The following L3MBTL4 variants were observed in gnomAD, a reference collection of about 807,000 sequenced individuals.
L3MBTL4 encodes L3MBTL histone methyl-lysine binding protein 4, also known as lethal(3)malignant brain tumor-like protein 4.
In L3MBTL4, 70 loss-of-function variants were observed where a neutral mutation model predicts 84.5. That is an observed-to-expected ratio of 0.83 (90% confidence interval 0.68 to 1.01). The LOEUF is 1.01. Ranked by LOEUF, L3MBTL4 falls within the 50% of genes least tolerant of loss-of-function variation. The pLI, the probability that L3MBTL4 is intolerant of heterozygous loss-of-function variation, is 0.00. For synonymous variants in L3MBTL4, 274 were observed against 259.8 expected (o/e 1.05, Z -0.52); for missense variants, 715 against 754.8 (o/e 0.95, Z 0.62).
At chr18:6,150,199 AC>A (rs1290681986) in intron 13 of L3MBTL4, among the ~76,000 whole-genome samples, 1 of 152,208 alleles carries the variant, frequency 6.6e-6, no homozygotes, top group African/African-American at 2.4e-5. Context: ...TGTTCTCATA[AC>A]CAAATATGTA....
chr18:6,087,335 G>A (rs1275166632), intron 15 of L3MBTL4, among the ~76,000 whole-genome samples: 2 of 152,202 alleles, frequency 1.3e-5, no homozygotes, highest in East Asian at 3.9e-4. Flanking sequence ...GGAGTCAGAG[G>A]GCTCAAAGGG....
intron 10 of L3MBTL4, among the ~76,000 whole-genome samples, chr18:6,234,429 C>A (rs2047130762): frequency 1.3e-5 from 2 of 151,918 alleles, no homozygotes; most frequent in Non-Finnish European, 1.5e-5. Context: ...TGACAAAGGG[C>A]TAATATCCAG....
intron 1 of L3MBTL4, among the ~76,000 whole-genome samples, chr18:6,381,576 C>A (rs567795914): frequency 1.0e-3 from 154 of 152,220 alleles, no homozygotes; most frequent in Non-Finnish European, 2.0e-3. Context: ...GATTTTATTT[C>A]TCCTGCACTT....
At chr18:6,246,638 T>C (rs1406859652) in intron 5 of L3MBTL4, among the ~76,000 whole-genome samples, 1 of 152,212 alleles carries the variant, frequency 6.6e-6, no homozygotes, top group Non-Finnish European at 1.5e-5. Flanking sequence ...GGCACGTGGC[T>C]CATGCCTGTA....
Position 6,081,223 on chromosome 18 carries a change from T to C in L3MBTL4, c.1374-272A>G, listed in dbSNP as rs1363168567. ...GTTTCCAAAACTCTCTGGAGAATAATCTCTTCAGATTCTAAGGAGGAGCTA... is the reference window on the plus strand; with the variant it reads ...GTTTCCAAAACTCTCTGGAGAATAACCTCTTCAGATTCTAAGGAGGAGCTA... On this transcript the variant is annotated intron_variant, in intron 15 of 18. Transcript: ENST00000317931. The C allele has an allele frequency of 1.4e-5, 4 of 289,548 alleles. No individual in the cohort carries two copies. In the East Asian group the frequency reaches 2.6e-4, roughly 19 times the overall value. The allele number at this position is 289,548 out of a possible 1,614,324, so 17.9% of individuals were successfully genotyped here.
chr18:6,293,770 C>T (rs2049972708), intron 4 of L3MBTL4, among the ~76,000 whole-genome samples: 1 of 152,140 alleles, frequency 6.6e-6, no homozygotes, highest in Non-Finnish European at 1.5e-5. Context: ...GATACATAAC[C>T]TGAATTTAAT....
chr18:6,213,028 A>C (rs1225510142), intron 12 of L3MBTL4, 121 bp downstream of exon 12: 1 of 590,208 alleles, frequency 1.7e-6, no homozygotes, highest in Non-Finnish European at 2.9e-6. Flanking sequence ...TTTTCCCCCC[A>C]GAAAATTATT....
In L3MBTL4 at chr18:6,337,546, G is replaced by GTT. The variant is rs1182063564; in HGVS notation, c.-90-25491_-90-25490insAA. 3.0e-4 allele frequency among the ~76,000 whole-genome samples: 46 copies of GTT among 152,078 alleles called. 1 individual carries two copies. In the East Asian group the frequency reaches 5.0e-3, roughly 17 times the overall value. On this transcript the variant is annotated intron_variant, in intron 1 of 18. Transcript: ENST00000317931. ...CTATTTATATAAAGTTCAATAACAG[G>GTT]CAAAACTAACCTAAAGCATGGGAAG...
intron 4 of L3MBTL4, among the ~76,000 whole-genome samples, chr18:6,279,058 A>G (rs1399649352): frequency 6.6e-6 from 1 of 152,160 alleles, no homozygotes; most frequent in East Asian, 1.9e-4. Flanking sequence ...AGGACAGCCA[A>G]GTGGAATTCA....
At chr18:6,395,139 T>C (rs182911) in intron 1 of L3MBTL4, 57,926 of 151,996 alleles carry the variant, frequency 0.38, 11,376 homozygotes, top group Middle Eastern at 0.47. Context: ...TTAGGCTGCA[T>C]TGAGCCATAA....
intron 16 of L3MBTL4, among the ~76,000 whole-genome samples, chr18:6,017,183 G>T (rs1007391208): frequency 4.6e-5 from 7 of 152,232 alleles, no homozygotes; most frequent in East Asian, 1.9e-4. Flanking sequence ...CTCCAGCAGA[G>T]ATTGTTTTCT....
At chr18:6,213,021 T>C (rs1286695989) in intron 12 of L3MBTL4, 128 bp downstream of exon 12, 3 of 574,952 alleles carry the variant, frequency 5.2e-6, no homozygotes, top group African/African-American at 1.9e-5. Context: ...AGAACGCTTT[T>C]CCCCCCAGAA....
intron 5 of L3MBTL4, among the ~76,000 whole-genome samples, chr18:6,252,779 C>T (rs1180638467): frequency 2.0e-5 from 3 of 152,250 alleles, no homozygotes; most frequent in South Asian, 2.1e-4. Flanking sequence ...TTATTAGCAG[C>T]GGTGTGGGAA....
intron 4 of L3MBTL4, among the ~76,000 whole-genome samples, chr18:6,284,591 G>A (rs2049477631): frequency 6.6e-6 from 1 of 152,256 alleles, no homozygotes; most frequent in Non-Finnish European, 1.5e-5. Flanking sequence ...GGCTGCGCAC[G>A]CAGGCTGTTC....
chr18:6,323,531 T>C (rs1276121229), intron 1 of L3MBTL4, among the ~76,000 whole-genome samples: 2 of 152,180 alleles, frequency 1.3e-5, no homozygotes, highest in Admixed American at 1.3e-4. Context: ...AGCGAAGAGC[T>C]TTGCTGCATT....
intron 1 of L3MBTL4, among the ~76,000 whole-genome samples, chr18:6,326,943 A>T (rs1167302517): frequency 6.6e-6 from 1 of 152,228 alleles, no homozygotes; most frequent in Non-Finnish European, 1.5e-5. Flanking sequence ...TACATACATG[A>T]TCTTTCAGTT....
intron 15 of L3MBTL4, among the ~76,000 whole-genome samples, chr18:6,091,331 AT>A (rs765365540): frequency 6.6e-6 from 1 of 152,214 alleles, no homozygotes; most frequent in Non-Finnish European, 1.5e-5. Context: ...TTATCCAAAC[AT>A]TATTAGGATG....
At chr18:6,108,128 G>T (rs1465508278) in intron 14 of L3MBTL4, among the ~76,000 whole-genome samples, 1 of 152,122 alleles carries the variant, frequency 6.6e-6, no homozygotes, top group South Asian at 2.1e-4. Context: ...ACTAAAACAG[G>T]AGTGTCACGC....
intron 16 of L3MBTL4, among the ~76,000 whole-genome samples, chr18:6,052,971 C>T (rs1303052529): frequency 3.3e-5 from 5 of 152,176 alleles, no homozygotes; most frequent in Non-Finnish European, 2.9e-5. Context: ...CAGGACGTCC[C>T]GTTAATTTGT....
Sources: gnomAD v4.1 joint callset for allele counts (sites outside exome capture counted in the v4.1 genomes callset) on GRCh38, gnomAD v4.1.1 for gene constraint, MANE v1.5 for transcripts, NCBI Gene and HGNC (gene_info 2026-07-23, HGNC 2026-07-21) for gene names.